The following BTBD9 variants were observed in gnomAD, a reference collection of about 807,000 sequenced individuals.
BTBD9 encodes BTB/POZ domain-containing protein 9.
In BTBD9, 49 loss-of-function variants were observed where a neutral mutation model predicts 64.3. That is an observed-to-expected ratio of 0.76 (90% CI 0.61 to 0.97). The LOEUF is 0.97. Ranked by LOEUF, BTBD9 falls within the 50% of genes least tolerant of loss-of-function variation. The probability of loss-of-function intolerance (pLI) is 0.00; values close to 1 mark genes in which losing one functional copy is unlikely to be tolerated. For missense variants in BTBD9, 598 were observed against 762.1 expected (o/e 0.78, Z 2.53); for synonymous variants, 260 against 274.7 (o/e 0.95, Z 0.53).
chr6:38,490,627 C>A (rs1771664778), intron 6 of BTBD9, among the ~76,000 whole-genome samples: 1 of 152,042 alleles, frequency 6.6e-6, no homozygotes, highest in Non-Finnish European at 1.5e-5. Context: ...GCCGACACAT[C>A]CAGTTCTAAT....
At chr6:38,515,004 T>C (rs1429122979) in intron 6 of BTBD9, among the ~76,000 whole-genome samples, 3 of 152,220 alleles carry the variant, frequency 2.0e-5, no homozygotes, top group African/African-American at 7.2e-5. Flanking sequence ...ATTTTTCATA[T>C]AATTTTTAGT....
chr6:38,453,313 TA>T (rs1769642792), intron 6 of BTBD9, among the ~76,000 whole-genome samples: 1 of 152,204 alleles, frequency 6.6e-6, no homozygotes, highest in Admixed American at 6.5e-5. Context: ...TCCAAGGCGT[TA>T]TTCTTTGTTT....
intron 6 of BTBD9, among the ~76,000 whole-genome samples, chr6:38,537,829 A>G (rs1170540247): frequency 6.6e-6 from 1 of 152,148 alleles, no homozygotes; most frequent in Non-Finnish European, 1.5e-5. Context: ...AAGGAACGTG[A>G]GTGGTAGTGA....
chr6:38,250,231 T>C (rs1158216178), intron 9 of BTBD9, among the ~76,000 whole-genome samples: 1 of 152,104 alleles, frequency 6.6e-6, no homozygotes, highest in Non-Finnish European at 1.5e-5. Context: ...TTACTAATGA[T>C]AGGAAAGAAG....
At chr6:38,448,860 G>A (rs184743734) in intron 6 of BTBD9, among the ~76,000 whole-genome samples, 44 of 152,268 alleles carry the variant, frequency 2.9e-4, no homozygotes, top group Admixed American at 2.9e-3. Context: ...ATTCCATTCA[G>A]CCCCTTGTCC....
intron 9 of BTBD9, among the ~76,000 whole-genome samples, chr6:38,247,443 C>G (rs1282342369): frequency 1.3e-5 from 2 of 152,182 alleles, no homozygotes; most frequent in African/African-American, 4.8e-5. Flanking sequence ...TGCTGAAGAC[C>G]AGGCAGCAGA....
intron 8 of BTBD9, among the ~76,000 whole-genome samples, chr6:38,286,753 T>C (rs1392316990): frequency 6.6e-6 from 1 of 152,126 alleles, no homozygotes; most frequent in Non-Finnish European, 1.5e-5. Context: ...CGCCTAGTGA[T>C]ATCATAATGT....
intron 1 of BTBD9, among the ~76,000 whole-genome samples, chr6:38,615,227 C>T (rs1777744938): frequency 6.6e-6 from 1 of 152,260 alleles, no homozygotes; most frequent in Non-Finnish European, 1.5e-5. Context: ...GCGCTCTTGT[C>T]ATCTGCACTT....
intron 6 of BTBD9, among the ~76,000 whole-genome samples, chr6:38,456,765 G>A (rs911216731): frequency 1.2e-4 from 19 of 152,030 alleles, no homozygotes; most frequent in Admixed American, 4.6e-4. Flanking sequence ...TAAACCCTGC[G>A]TCAAATATCT....
chr6:38,353,615 T>C (rs534002235), intron 6 of BTBD9, among the ~76,000 whole-genome samples: 1 of 152,336 alleles, frequency 6.6e-6, no homozygotes, highest in East Asian at 1.9e-4. Flanking sequence ...ATAGAACTAA[T>C]TTACCAAAAG....
intron 9 of BTBD9, among the ~76,000 whole-genome samples, chr6:38,202,815 T>C (rs933437974): frequency 6.6e-5 from 10 of 152,108 alleles, no homozygotes; most frequent in Non-Finnish European, 1.3e-4. Context: ...GAAGAAAACA[T>C]AGGGAAACCA....
intron 6 of BTBD9, among the ~76,000 whole-genome samples, chr6:38,438,172 AAAGG>A (rs1181063941): frequency 1.4e-5 from 2 of 142,066 alleles, no homozygotes; most frequent in Admixed American, 7.2e-5. Flanking sequence ...CAGGAAAAAA[AAAGG>A]AAGGAAGGAA....
At chr6:38,584,944 G>C (rs148508003) in intron 4 of BTBD9, among the ~76,000 whole-genome samples, 1 of 152,090 alleles carries the variant, frequency 6.6e-6, no homozygotes, top group African/African-American at 2.4e-5. Context: ...TATTTGCTTG[G>C]TGAGTCAGAA....
chr6:38,197,425 C>G (rs184633492), intron 9 of BTBD9, among the ~76,000 whole-genome samples: 1 of 152,104 alleles, frequency 6.6e-6, no homozygotes, highest in Admixed American at 6.6e-5. Context: ...AGTCACTGTC[C>G]CCTGGGTTTT....
Position 38,564,621 on chromosome 6 carries a change from A to G in BTBD9, c.1154+12979T>C, listed in dbSNP as rs182694843. On this transcript the variant is annotated intron_variant, in intron 6 of 10. Transcript: ENST00000481247. ...TCTCACTATATGGCCGAGCACGGTG[A>G]CTCACGCCTGTAATCCCAGCACTTT... 3.5e-3 allele frequency among the ~76,000 whole-genome samples: 537 copies of G among 152,084 alleles called. 3 individuals carry two copies. The highest frequency in any genetic ancestry group is 0.011 in the African/African-American group (477 of 41,500).
chr6:38,508,874 C>T (rs1209572750), intron 6 of BTBD9, among the ~76,000 whole-genome samples: 1 of 152,142 alleles, frequency 6.6e-6, no homozygotes, highest in Admixed American at 6.5e-5. Flanking sequence ...CTCCATCAAC[C>T]GTAACCTTCT....
rs542580091 is a variant in BTBD9 at position 38,328,773 on chromosome 6, C to T, written c.1264+16211G>A. 2.0e-5 allele frequency among the ~76,000 whole-genome samples: 3 copies of T among 151,966 alleles called. No individual in the cohort carries two copies. In the East Asian group the frequency reaches 5.8e-4, roughly 29 times the overall value. On this transcript the variant is annotated intron_variant, in intron 7 of 10. Coordinates refer to ENST00000481247, the MANE Select transcript of BTBD9 (RefSeq NM_001099272.2). Reference sequence around the variant, plus strand: ...ACATCCTGGCTAACATGGTGAAACCCCGTCTCCATTAAAAATACAAAAAAT... The same window carrying T: ...ACATCCTGGCTAACATGGTGAAACCTCGTCTCCATTAAAAATACAAAAAAT...
rs1030255809 is a variant in BTBD9 at position 38,205,120 on chromosome 6, G to A, written c.1563-12523C>T. ...AGGAATTCCACCATCTAATTTAGAT[G>A]TTCCAGTAAGAAATATGATGTTCCA... On this transcript the variant is annotated intron_variant, in intron 9 of 10. Coordinates refer to ENST00000481247, the MANE Select transcript of BTBD9 (RefSeq NM_001099272.2). 2.6e-5 allele frequency among the ~76,000 whole-genome samples: 4 copies of A among 152,170 alleles called. No individual in the cohort carries two copies. In the East Asian group the frequency reaches 5.8e-4, roughly 22 times the overall value.
chr6:38,235,090 G>A (rs955563930), intron 9 of BTBD9, among the ~76,000 whole-genome samples: 4 of 152,194 alleles, frequency 2.6e-5, no homozygotes, highest in Admixed American at 2.6e-4. Flanking sequence ...AACCACAGGA[G>A]GTTTGCAGCT....
Sources: allele counts gnomAD v4.1 joint callset (sites outside exome capture counted in the v4.1 genomes callset), GRCh38; gene constraint gnomAD v4.1.1; transcripts MANE v1.5; gene names NCBI Gene and HGNC (gene_info 2026-07-23, HGNC 2026-07-21).